AKAP11: variants seen among roughly 807,000 people sequenced by gnomAD.
The protein encoded by AKAP11 is A-kinase anchor protein 11.
Under a neutral mutation model 146.1 loss-of-function variants are expected in AKAP11, and 36 were observed. The ratio of observed to expected loss-of-function variants is 0.25; its 90% confidence interval spans 0.19 to 0.33. The LOEUF is 0.33. Ranked by LOEUF, AKAP11 falls within the 10% of genes least tolerant of loss-of-function variation. AKAP11 has a pLI of 1.00. For synonymous variants in AKAP11, 780 were observed against 786.5 expected, an observed-to-expected ratio of 0.99 and a Z score of 0.14; for missense variants, 2,201 against 2,197.0, an observed-to-expected ratio of 1.00 and a Z score of -0.04.
intron 1 of AKAP11, among the ~76,000 whole-genome samples, chr13:42,272,525 G>A (rs1014300732): frequency 4.6e-5 from 7 of 152,176 alleles, no homozygotes; most frequent in African/African-American, 1.7e-4. Context: ...TGGAGCTGCC[G>A]CCCCTTTTAA....
At chr13:42,293,128 G>A (rs945237596) in intron 4 of AKAP11, among the ~76,000 whole-genome samples, 2 of 152,026 alleles carry the variant, frequency 1.3e-5, no homozygotes, top group African/African-American at 2.4e-5. Flanking sequence ...GTATTAGGTC[G>A]TTGCAGCTCA....
rs1156278707 is a variant in AKAP11 at position 42,303,704 on chromosome 13, A to G, written c.4958A>G (p.Lys1653Arg). ...GATAAGAAGGCAGTGCTTGCTGAGA[A>G]GATAGTTGCTGAAGCCATTGAAAAA... is the stretch of plus-strand genomic sequence containing the variant. ...NLDKKAVLAE[K>R]IVAEAIEKAE... The change falls in exon 8 of 13, where the codon AAG becomes AGG. Residue 1653 changes from lysine to arginine, a missense_variant. Around this residue, in one of 3 missense-constraint regions of AKAP11, gnomAD observed 1,867 missense variants for 1,833.5 expected, o/e 1.02. Transcript: ENST00000025301. 6.2e-7 allele frequency: 1 copy of G among 1,614,152 alleles called. No homozygotes were observed. The highest frequency in any genetic ancestry group is 1.1e-5 in the South Asian group (1 of 91,080).
intron 9 of AKAP11, among the ~76,000 whole-genome samples, chr13:42,310,676 TGG>T (rs1031588235): frequency 1.2e-4 from 19 of 152,132 alleles, no homozygotes; most frequent in African/African-American, 4.3e-4. Flanking sequence ...CTGGGCAACA[TGG>T]TGAAACCCCG....
rs1309459040 is a variant in AKAP11 at position 42,303,827 on chromosome 13, C to G, written c.5081C>G (p.Thr1694Arg). Residue 1694 changes from threonine (T) to arginine (R), a missense_variant, in exon 8 of 13, where the codon ACA becomes AGA. By Grantham distance (71) the Thr-to-Arg change is moderately conservative (BLOSUM62 -1). Around this residue, in one of 3 missense-constraint regions of AKAP11, gnomAD observed 1,867 missense variants for 1,833.5 expected, o/e 1.02. Transcript: ENST00000025301. ...FAESLATETM[T>R]AAVTNVGHAV... is the part of the protein sequence containing the mutation. The stretch of plus-strand genomic sequence containing the variant: ...GAAAGCCTTGCCACAGAAACCATGA[C>G]AGCAGCTGTCACAAATGTTGGGCAT... 6.3e-7 allele frequency: 1 copy of G among 1,593,778 alleles called. No individual in the cohort carries two copies. The highest frequency in any genetic ancestry group is 1.3e-5 in the African/African-American group (1 of 74,214).
Position 42,303,618 on chromosome 13 carries a change from C to T in AKAP11, c.4872C>T (p.Ser1624=), listed in dbSNP as rs1475757673. The T allele has an allele frequency of 6.2e-7, 1 of 1,614,198 alleles. No individual in the cohort carries two copies. The highest frequency in any genetic ancestry group is 8.5e-7 in the Non-Finnish European group (1 of 1,180,024). The change falls in exon 8 of 13, where the codon AGC becomes AGT. Residue 1624 remains serine, a synonymous_variant. Transcript: ENST00000025301. Reference sequence around the variant, plus strand: ...AGCCAGCTTCTAATCCAAAATTTAGCAGCCGCTATCAGAAATCTAGGATTT... The same window carrying T: ...AGCCAGCTTCTAATCCAAAATTTAGTAGCCGCTATCAGAAATCTAGGATTT... ...SSKPASNPKF[S]SRYQKSRIFH...
chr13:42,317,741 C>G (rs1427005377), intron 12 of AKAP11, 53 bp downstream of exon 12: 2 of 1,554,474 alleles, frequency 1.3e-6, no homozygotes, highest in Non-Finnish European at 1.7e-6. Flanking sequence ...ATATGATGTT[C>G]TTGTCATGTG....
chr13:42,277,524 A>G (rs1479379514), intron 1 of AKAP11, among the ~76,000 whole-genome samples: 1 of 152,220 alleles, frequency 6.6e-6, no homozygotes, highest in Non-Finnish European at 1.5e-5. Context: ...GTAGATCTCA[A>G]TCTGGAATGC....
chr13:42,282,515 G>A (rs1959084571), intron 1 of AKAP11, among the ~76,000 whole-genome samples: 1 of 152,050 alleles, frequency 6.6e-6, no homozygotes, highest in Non-Finnish European at 1.5e-5. Flanking sequence ...TTTAAGAAGT[G>A]AAATAGCAGG....
chr13:42,319,004 G>A (rs1199854734), intron 12 of AKAP11, 84 bp from the exon 13 acceptor site: 5 of 1,447,758 alleles, frequency 3.5e-6, no homozygotes, highest in East Asian at 4.9e-5. Flanking sequence ...GGATTCTTAA[G>A]TTTCAGCTAA....
intron 9 of AKAP11, among the ~76,000 whole-genome samples, chr13:42,311,407 G>T (rs1351051747): frequency 6.6e-6 from 1 of 152,160 alleles, no homozygotes; most frequent in Non-Finnish European, 1.5e-5. Flanking sequence ...TATTTCTGCT[G>T]TTCTGTTGTA....
rs74623853 is a variant in AKAP11 at position 42,300,460 on chromosome 13, G to C, written c.1714G>C (p.Gly572Arg). The C allele has an allele frequency of 2.3e-3, 3,693 of 1,613,950 alleles. 9 individuals are homozygous for C. Among genetic ancestry groups the C allele is most frequent in the Non-Finnish European group, 2.9e-3 (3,388 of 1,179,924 alleles). ...FGSAFKDLQK[G>R]VSSCTNALYH... ...CAGTGCATTTAAAGACTTACAGAAA[G>C]GAGTCTCTTCATGTACCAATGCTTT... Residue 572 changes from glycine to arginine, a missense_variant, in exon 8 of 13, where the codon GGA (glycine) becomes CGA (arginine). Physicochemically the swap from Gly to Arg is moderately radical, Grantham distance 125 (BLOSUM62 -2). This residue lies in a region of AKAP11 where 1,867 missense variants were observed against 1,833.5 expected (regional missense o/e 1.02). Coordinates refer to ENST00000025301, the MANE Select transcript of AKAP11 (RefSeq NM_016248.4).
rs75889163 is a variant in AKAP11 at position 42,279,217 on chromosome 13, T to A, written c.-99-6769T>A. The stretch of plus-strand genomic sequence containing the variant: ...GTTCTCTGCTATTTTGTCTTCAAAT[T>A]TTTTTTTCTTCTGCACCCACTTCCC... On this transcript the variant is annotated intron_variant, in intron 1 of 12. Coordinates refer to ENST00000025301, the MANE Select transcript of AKAP11 (RefSeq NM_016248.4). 3.6e-4 allele frequency among the ~76,000 whole-genome samples: 6 copies of A among 16,574 alleles called. No individual in the cohort carries two copies. The East Asian group carries it at 0.018, about 49-fold the overall frequency. 10.9% of individuals were successfully genotyped at this position (16,574 alleles called of 152,430 possible). A position where few individuals can be genotyped will look rare whatever the true frequency, so the allele number is the denominator to read the frequency against.
intron 1 of AKAP11, among the ~76,000 whole-genome samples, chr13:42,276,312 C>G (rs1008339469): frequency 1.3e-5 from 2 of 152,174 alleles, no homozygotes; most frequent in African/African-American, 2.4e-5. Context: ...GTGGCGCAAT[C>G]TTGGCTCACT....
chr13:42,313,506 C>T (rs1960666831), intron 10 of AKAP11, among the ~76,000 whole-genome samples: 1 of 152,012 alleles, frequency 6.6e-6, no homozygotes, highest in Admixed American at 6.6e-5. Context: ...AGTGTTTTTA[C>T]TGTATTAAAA....
chr13:42,302,852 A>G lies in AKAP11; in HGVS notation c.4106A>G (p.Asn1369Ser), dbSNP rs185419553. 8.0e-5 allele frequency: 129 copies of G among 1,614,140 alleles called. No homozygotes were observed. In the African/African-American group the frequency reaches 8.1e-4, roughly 10 times the overall value. The stretch of plus-strand genomic sequence containing the variant: ...GAGTTGATAATGGATCAGTATGCCA[A>G]TAGGCTTGCCTACCGATCTGTTAAA... ...NSELIMDQYA[N>S]RLAYRSVKSG... Residue 1369 changes from asparagine (N) to serine (S), a missense_variant, in exon 8 of 13, where the codon AAT becomes AGT. Asn to Ser is a conservative substitution (Grantham distance 46, BLOSUM62 1). Transcript: ENST00000025301.
In AKAP11 at chr13:42,319,418, A is replaced by C. The variant is rs957192538; in HGVS notation, c.*190A>C. 9.8e-5 allele frequency: 66 copies of C among 676,440 alleles called. No individual in the cohort carries two copies. Among genetic ancestry groups the C allele is most frequent in the Non-Finnish European group, 1.4e-4 (60 of 421,328 alleles). 41.9% of individuals were successfully genotyped at this position (676,440 alleles called of 1,614,324 possible). A position where few individuals can be genotyped will look rare whatever the true frequency, so the allele number is the denominator to read the frequency against. ...AGTTCATACTTTTGTAATCTGTCAA[A>C]ATACTACCTTCATTTATTCTTCTAT... On this transcript the variant is annotated 3_prime_UTR_variant, in exon 13 of 13. Coordinates refer to ENST00000025301, the MANE Select transcript of AKAP11 (RefSeq NM_016248.4).
At chr13:42,272,135 C>G (rs1319225422), upstream of AKAP11, 1 of 142,144 alleles carries the variant, frequency 7.0e-6, no homozygotes, top group Non-Finnish European at 1.5e-5. Flanking sequence ...GGCTGGGGGT[C>G]AGCGCGGGAG....
At position 42,317,623 on chromosome 13, in the gene AKAP11, A is replaced by G; in HGVS notation, c.5500A>G (p.Ile1834Val). The part of the protein sequence containing the change: ...PQLRIILQWL[I>V]ASEAEVAELY... ...GCTAAGGATTATTCTTCAGTGGCTCATTGCCTCTGAGGCTGAAGTTGCAGA... is the reference window on the plus strand; with the variant it reads ...GCTAAGGATTATTCTTCAGTGGCTCGTTGCCTCTGAGGCTGAAGTTGCAGA... Residue 1834 changes from isoleucine to valine, a missense_variant, in exon 12 of 13, where the codon ATT becomes GTT. Physicochemically the swap from Ile to Val is conservative, Grantham distance 29 (BLOSUM62 3). Transcript: ENST00000025301. 1 of 1,614,148 alleles carries G rather than the reference A, an allele frequency of 6.2e-7. No individual in the cohort carries two copies. Among genetic ancestry groups the G allele is most frequent in the Non-Finnish European group, 8.5e-7 (1 of 1,179,976 alleles).
chr13:42,293,198 C>T (rs899879148), intron 4 of AKAP11, among the ~76,000 whole-genome samples: 19 of 152,198 alleles, frequency 1.2e-4, no homozygotes, highest in Admixed American at 2.0e-4. Context: ...CTAATAAAAT[C>T]GTGGTTATAG....
Sources: gnomAD v4.1 joint callset for allele counts (sites outside exome capture counted in the v4.1 genomes callset) on GRCh38, gnomAD v4.1.1 for gene constraint, gnomAD v4.1.1 regional missense constraint, MANE v1.5 for transcripts, NCBI Gene and HGNC (gene_info 2026-07-23, HGNC 2026-07-21) for gene names.